The following GPC5 variants were observed in gnomAD, a reference collection of about 807,000 sequenced individuals.
GPC5 encodes glypican 5, also known as glypican-5.
In GPC5, 47 loss-of-function variants were observed where a neutral mutation model predicts 53.9. That is an observed-to-expected ratio of 0.87 (90% CI 0.69 to 1.11). GPC5 has a LOEUF of 1.11. GPC5 is among the 50% of genes most tolerant of loss of function. GPC5 has a pLI of 0.00. For missense variants in GPC5, 748 were observed against 713.1 expected, an observed-to-expected ratio of 1.05 and a Z score of -0.56; for synonymous variants, 286 against 263.3, an observed-to-expected ratio of 1.09 and a Z score of -0.84.
chr13:92,017,587 T>A (rs377495709), intron 6 of GPC5, among the ~76,000 whole-genome samples: 1 of 143,876 alleles, frequency 7.0e-6, no homozygotes, highest in African/African-American at 2.9e-5. Context: ...CCAAATAATA[T>A]TATAAGATGT....
intron 2 of GPC5, among the ~76,000 whole-genome samples, chr13:91,609,477 G>A (rs576807916): frequency 7.2e-5 from 11 of 152,244 alleles, no homozygotes; most frequent in Admixed American, 1.3e-4. Flanking sequence ...CTCTAAACAC[G>A]TCACCAATTT....
chr13:92,236,360 T>A (rs1179461206), intron 7 of GPC5, among the ~76,000 whole-genome samples: 1 of 152,086 alleles, frequency 6.6e-6, no homozygotes, highest in Non-Finnish European at 1.5e-5. Flanking sequence ...CAATATCATA[T>A]CATAGCAAAT....
intron 6 of GPC5, among the ~76,000 whole-genome samples, chr13:91,985,247 TTGAC>T (rs1205779038): frequency 2.0e-5 from 3 of 152,236 alleles, no homozygotes; most frequent in African/African-American, 7.2e-5. Flanking sequence ...AAAGTCGGCT[TTGAC>T]TGGTATTGAC....
intron 7 of GPC5, among the ~76,000 whole-genome samples, chr13:92,738,690 C>A (rs1889006109): frequency 6.6e-6 from 1 of 152,034 alleles, no homozygotes; most frequent in Non-Finnish European, 1.5e-5. Flanking sequence ...AAATTTTCCT[C>A]AGGTTATTCT....
chr13:91,648,901 A>G (rs533021560), intron 2 of GPC5, among the ~76,000 whole-genome samples: 2 of 152,206 alleles, frequency 1.3e-5, no homozygotes, highest in African/African-American at 4.8e-5. Flanking sequence ...GACTCTGAAT[A>G]TGGGATGGCT....
intron 5 of GPC5, among the ~76,000 whole-genome samples, chr13:91,884,746 G>C (rs372144622): frequency 2.0e-5 from 3 of 152,168 alleles, no homozygotes; most frequent in Non-Finnish European, 2.9e-5. Flanking sequence ...ACTAGGAACC[G>C]TCAAGTTAGA....
At chr13:92,251,032 C>T (rs1362203632) in intron 7 of GPC5, among the ~76,000 whole-genome samples, 1 of 151,996 alleles carries the variant, frequency 6.6e-6, no homozygotes, top group Non-Finnish European at 1.5e-5. Flanking sequence ...CTACATAGTC[C>T]CTGATCCCTT....
At chr13:91,628,003 T>A (rs905697800) in intron 2 of GPC5, among the ~76,000 whole-genome samples, 1 of 152,136 alleles carries the variant, frequency 6.6e-6, no homozygotes, top group Admixed American at 6.6e-5. Context: ...TTATTAAGTA[T>A]AATTTACAAA....
chr13:91,682,373 A>G (rs1032038616), intron 2 of GPC5, among the ~76,000 whole-genome samples: 2 of 152,220 alleles, frequency 1.3e-5, no homozygotes, highest in Non-Finnish European at 2.9e-5. Flanking sequence ...TTTTCAGCAC[A>G]TTCTACCTTT....
intron 7 of GPC5, among the ~76,000 whole-genome samples, chr13:92,603,145 A>G (rs1325250092): frequency 6.6e-6 from 1 of 152,222 alleles, no homozygotes; most frequent in Admixed American, 6.5e-5. Flanking sequence ...CTATCTTGAC[A>G]TAATGGTATA....
In GPC5 at chr13:92,232,618, T is replaced by C. The variant is rs187339322; in HGVS notation, c.1561+87629T>C. 4.4e-4 allele frequency among the ~76,000 whole-genome samples: 67 copies of C among 152,268 alleles called. No individual in the cohort carries two copies. In the East Asian group the frequency reaches 8.9e-3, roughly 20 times the overall value. On this transcript the variant is annotated intron_variant, in intron 7 of 7. Transcript: ENST00000377067. ...TCTATGATATTCCTCTAAAAGAAAG[T>C]GTTGAACTGACTATAAAGTTAAATC...
At chr13:91,925,678 C>T (rs1381174175) in intron 6 of GPC5, among the ~76,000 whole-genome samples, 2 of 152,110 alleles carry the variant, frequency 1.3e-5, no homozygotes, top group Admixed American at 1.3e-4. Flanking sequence ...ATCAGGGGCT[C>T]TCCTAGGTAT....
intron 6 of GPC5, among the ~76,000 whole-genome samples, chr13:92,043,796 T>A (rs1320798101): frequency 6.6e-6 from 1 of 152,212 alleles, no homozygotes; most frequent in Non-Finnish European, 1.5e-5. Flanking sequence ...ATGTTTTAAT[T>A]GATAGGGTAG....
intron 7 of GPC5, among the ~76,000 whole-genome samples, chr13:92,770,852 C>T (rs979271929): frequency 6.6e-6 from 1 of 152,132 alleles, no homozygotes; most frequent in East Asian, 1.9e-4. Flanking sequence ...GGGAGAGCAC[C>T]ACCTAATGCC....
intron 7 of GPC5, among the ~76,000 whole-genome samples, chr13:92,314,445 G>T (rs1262033441): frequency 1.3e-5 from 2 of 152,184 alleles, no homozygotes; most frequent in East Asian, 1.9e-4. Context: ...TTCACATATG[G>T]CAGTTACTGA....
At chr13:92,517,846 T>C (rs1272749739) in intron 7 of GPC5, among the ~76,000 whole-genome samples, 1 of 152,022 alleles carries the variant, frequency 6.6e-6, no homozygotes, top group East Asian at 1.9e-4. Context: ...CTTTGATGAG[T>C]TGAGAGAAGT....
chr13:91,650,750 G>GTTTTGTTTTGTTTTTTTTTTTTTTTT (rs1555333961), intron 2 of GPC5, among the ~76,000 whole-genome samples: 5 of 99,642 alleles, frequency 5.0e-5, no homozygotes, highest in African/African-American at 2.0e-4. Context: ...ATTCCCATAA[G>GTTTTGTTTTGTTTTTTTTTTTTTTTT]TTTTTTTTTT....
intron 7 of GPC5, among the ~76,000 whole-genome samples, chr13:92,338,861 A>G (rs989656701): frequency 3.9e-5 from 6 of 152,160 alleles, no homozygotes; most frequent in Non-Finnish European, 8.8e-5. Context: ...TACAATATCA[A>G]CAGTAAATCC....
intron 7 of GPC5, among the ~76,000 whole-genome samples, chr13:92,409,415 A>G (rs184065484): frequency 1.3e-5 from 2 of 152,220 alleles, no homozygotes; most frequent in East Asian, 3.9e-4. Flanking sequence ...TTGGTAGTTC[A>G]GTGAGCAAGA....
Sources: allele counts gnomAD v4.1 joint callset (sites outside exome capture counted in the v4.1 genomes callset), GRCh38; gene constraint gnomAD v4.1.1; transcripts MANE v1.5; gene names NCBI Gene and HGNC (gene_info 2026-07-23, HGNC 2026-07-21).